CXADR: variants seen among roughly 807,000 people sequenced by gnomAD.
CXADR encodes the protein coxsackievirus and adenovirus receptor.
A neutral mutation model predicts 40.3 loss-of-function variants in CXADR; 20 were observed. The ratio of observed to expected loss-of-function variants is 0.50; its 90% CI spans 0.35 to 0.72. The LOEUF (loss-of-function observed/expected upper bound fraction) is 0.72. CXADR is among the 30% of genes least tolerant of loss of function. The pLI, the probability that CXADR is intolerant of heterozygous loss-of-function variation, is 0.01. For missense variants in CXADR, 332 were observed against 449.1 expected (o/e 0.74, Z 2.36); for synonymous variants, 150 against 161.3 (o/e 0.93, Z 0.53).
At chr21:17,631,196 A>G in the CXADR span, among the ~76,000 whole-genome samples, 1 of 152,188 alleles carries the variant, frequency 6.6e-6, no homozygotes, top group African/African-American at 2.4e-5. Context: ...TTTTTTCTTG[A>G]GGAAAAGATA....
intron 1 of CXADR, among the ~76,000 whole-genome samples, chr21:17,530,822 G>T (rs2060664552): frequency 1.3e-5 from 2 of 151,956 alleles, no homozygotes; most frequent in South Asian, 4.2e-4. Context: ...TCAAAAAAAA[G>T]AAAAAGAAAA....
At chr21:17,571,521 A>G (rs2061277233), downstream of CXADR, among the ~76,000 whole-genome samples, 1 of 152,212 alleles carries the variant, frequency 6.6e-6, no homozygotes. Context: ...AACTGAGACA[A>G]CATTGGGTAT....
chr21:17,525,647 C>T (rs1463932319), intron 1 of CXADR, among the ~76,000 whole-genome samples: 1 of 152,212 alleles, frequency 6.6e-6, no homozygotes, highest in Non-Finnish European at 1.5e-5. Context: ...ATTGAGAAGA[C>T]TCTTAACTTA....
At chr21:17,604,669 G>A in the CXADR span, among the ~76,000 whole-genome samples, 4 of 152,128 alleles carry the variant, frequency 2.6e-5, no homozygotes, top group East Asian at 1.9e-4. Flanking sequence ...TTCTTTTTTC[G>A]GCTATAAAGC....
intron 1 of CXADR, among the ~76,000 whole-genome samples, chr21:17,514,397 T>C (rs2060432081): frequency 6.6e-6 from 1 of 152,104 alleles, no homozygotes; most frequent in African/African-American, 2.4e-5. Flanking sequence ...CTTTTTGATA[T>C]ATATCATTTA....
chr21:17,570,151 A>G, downstream of CXADR: 1 of 985,368 alleles, frequency 1.0e-6, no homozygotes, highest in Non-Finnish European at 1.2e-6. Flanking sequence ...GTGTCCACTA[A>G]AGCTTTAATA....
chr21:17,590,189 G>A (rs575040573), intron 7 of CXADR, among the ~76,000 whole-genome samples: 7 of 148,710 alleles, frequency 4.7e-5, no homozygotes, highest in African/African-American at 7.4e-5. Flanking sequence ...CCATGATTAT[G>A]TTTCTTAACT....
At chr21:17,598,736 C>T in the CXADR span, 1 of 1,614,096 alleles carries the variant, frequency 6.2e-7, no homozygotes, top group Non-Finnish European at 8.5e-7. Context: ...TTATCAAGGG[C>T]CCTGGTAACT....
chr21:17,579,285 CT>C (rs891990788), intron 7 of CXADR, among the ~76,000 whole-genome samples: 1 of 84,028 alleles, frequency 1.2e-5, no homozygotes, highest in Non-Finnish European at 2.7e-5. Flanking sequence ...CCTTTCTTCT[CT>C]TTTCTTTTTT....
chr21:17,627,875 A>G, the CXADR span, among the ~76,000 whole-genome samples: 1 of 152,206 alleles, frequency 6.6e-6, no homozygotes, highest in Admixed American at 6.5e-5. Flanking sequence ...GAACAAATTT[A>G]AAGTTTGGGT....
Position 17,581,743 on chromosome 21 carries a change from G to T in CXADR, c.1018-11409G>T, listed in dbSNP as rs557135684. ...GCCTGTAGTCCCAGCTACTCAGGAGGCTGAGGTGGGAGGATCACTTGAGCC... is the reference window on the plus strand; with the variant it reads ...GCCTGTAGTCCCAGCTACTCAGGAGTCTGAGGTGGGAGGATCACTTGAGCC... On this transcript the variant is annotated intron_variant, in intron 7 of 7. Coordinates refer to the CXADR transcript ENST00000400169. Among the ~76,000 whole-genome samples, 4 of 151,888 alleles carry T rather than the reference G, an allele frequency of 2.6e-5. No individual in the cohort carries two copies. The East Asian group carries it at 7.8e-4, about 30-fold the overall frequency.
At chr21:17,628,518 T>G in the CXADR span, among the ~76,000 whole-genome samples, 1 of 152,108 alleles carries the variant, frequency 6.6e-6, no homozygotes, top group Admixed American at 6.5e-5. Flanking sequence ...TTTTTTTTTT[T>G]GAGACGGAGT....
intron 7 of CXADR, among the ~76,000 whole-genome samples, chr21:17,575,471 A>C (rs954802718): frequency 1.8e-4 from 27 of 147,624 alleles, no homozygotes; most frequent in African/African-American, 6.0e-4. Context: ...GTGAGCCACC[A>C]TGCCTGTCCT....
intron 1 of CXADR, among the ~76,000 whole-genome samples, chr21:17,523,211 A>G (rs1323765339): frequency 6.6e-6 from 1 of 152,186 alleles, no homozygotes; most frequent in Non-Finnish European, 1.5e-5. Context: ...TTCTCTTGCC[A>G]GAATGTACAT....
At chr21:17,527,600 T>A (rs2123146959) in intron 1 of CXADR, among the ~76,000 whole-genome samples, 1 of 152,280 alleles carries the variant, frequency 6.6e-6, no homozygotes, top group Admixed American at 6.5e-5. Flanking sequence ...TTCGTGCAGC[T>A]ATGGTACCAG....
At chr21:17,599,876 A>T in the CXADR span, among the ~76,000 whole-genome samples, 1 of 152,184 alleles carries the variant, frequency 6.6e-6, no homozygotes, top group African/African-American at 2.4e-5. Flanking sequence ...CAATTAAATA[A>T]AAAAGGGGGC....
the CXADR span, chr21:17,613,425 T>C: frequency 2.0e-5 from 3 of 152,366 alleles, no homozygotes; most frequent in East Asian, 3.9e-4. Flanking sequence ...TCCTTCTTGC[T>C]GTAGTCAATT....
At chr21:17,588,600 GA>G (rs2061414002) in intron 7 of CXADR, among the ~76,000 whole-genome samples, 1 of 152,066 alleles carries the variant, frequency 6.6e-6, no homozygotes, top group African/African-American at 2.4e-5. Context: ...TCTTTAATTT[GA>G]AAAGCCCCAT....
At chr21:17,599,755 T>C in the CXADR span, among the ~76,000 whole-genome samples, 3 of 152,158 alleles carry the variant, frequency 2.0e-5, no homozygotes, top group African/African-American at 4.8e-5. Context: ...GCTGGGTTTA[T>C]AGGCGTGAGC....
Sources: gnomAD v4.1 joint callset for allele counts (sites outside exome capture counted in the v4.1 genomes callset) on GRCh38, gnomAD v4.1.1 for gene constraint, MANE v1.5 for transcripts, NCBI Gene and HGNC (gene_info 2026-07-23, HGNC 2026-07-21) for gene names.